Variants in CELF2 observed in about 807,000 individuals in gnomAD.
CELF2 encodes CUG triplet repeat RNA-binding protein 2.
CELF2 carries 8 observed loss-of-function variants against 62.6 expected under a neutral mutation model. The ratio of observed to expected loss-of-function variants is 0.13; its 90% confidence interval spans 0.07 to 0.23. The LOEUF (loss-of-function observed/expected upper bound fraction) is 0.23. CELF2 is among the 10% of genes least tolerant of loss of function. The pLI, the probability that CELF2 is intolerant of heterozygous loss-of-function variation, is 1.00. For missense variants in CELF2, 333 were observed against 671.0 expected, an observed-to-expected ratio of 0.50 and a Z score of 5.56; for synonymous variants, 258 against 250.0, an observed-to-expected ratio of 1.03 and a Z score of -0.30.
rs11595295 is a variant in CELF2 at position 11,247,273 on chromosome 10, A to T, written c.355-1880A>T. On this transcript the variant is annotated intron_variant, in intron 3 of 12. Transcript: ENST00000633077. The surrounding 1 kb of genome is among the most constrained non-coding windows in gnomAD (Gnocchi z 5.4). The stretch of plus-strand genomic sequence containing the variant: ...ACCCTCTGAGAGCTGGGTGTTGCCC[A>T]CCTTCACCGCCCCTTCCCGTGGTCC... Among the ~76,000 whole-genome samples the T allele has an allele frequency of 0.25, 38,158 of 152,170 alleles. 5,509 individuals are homozygous for T. The highest frequency in any genetic ancestry group is 0.33 in the Non-Finnish European group (22,666 of 67,974).
chr10:11,105,222 A>G (rs1440146705), intron 1 of CELF2, among the ~76,000 whole-genome samples: 2 of 152,236 alleles, frequency 1.3e-5, no homozygotes, highest in East Asian at 1.9e-4. Context: ...AATTGAAAGT[A>G]ATGATTCTGG....
At chr10:10,845,436 A>G (rs2058951242) in intron 1 of CELF2, among the ~76,000 whole-genome samples, 1 of 137,596 alleles carries the variant, frequency 7.3e-6, no homozygotes, top group African/African-American at 2.8e-5. Flanking sequence ...AGAAAATGTA[A>G]TAAAACAATA....
intron 1 of CELF2, among the ~76,000 whole-genome samples, chr10:11,131,361 C>T (rs1360111732): frequency 1.3e-5 from 2 of 152,108 alleles, no homozygotes; most frequent in African/African-American, 2.4e-5. Context: ...GGAAAGGTGC[C>T]GTGATGTTTC....
the CELF2 span, among the ~76,000 whole-genome samples, chr10:10,704,921 G>T: frequency 1.3e-5 from 2 of 150,936 alleles, no homozygotes; most frequent in South Asian, 2.1e-4. Flanking sequence ...GGGCATGGTG[G>T]CTCATGCCTG....
chr10:10,799,749 G>C (rs1032103814), intron 1 of CELF2, among the ~76,000 whole-genome samples: 1 of 152,154 alleles, frequency 6.6e-6, no homozygotes, highest in African/African-American at 2.4e-5. Context: ...GAGCTAGAAA[G>C]GGCAGAGTTC....
the CELF2 span, among the ~76,000 whole-genome samples, chr10:10,470,366 T>C: frequency 2.0e-5 from 3 of 151,862 alleles, no homozygotes; most frequent in Non-Finnish European, 4.4e-5. Flanking sequence ...GTTTCCTCTT[T>C]TTGAGTTCTG....
Position 11,032,146 on chromosome 10 carries a change from C to CAAAAAAAAAAAAA in CELF2, c.74+13996_74+14008dup, listed in dbSNP as rs56364371. Among the ~76,000 whole-genome samples, 220 of 86,366 alleles carry CAAAAAAAAAAAAA rather than the reference C, an allele frequency of 2.5e-3. 13 individuals carry two copies. Among genetic ancestry groups the CAAAAAAAAAAAAA allele is most frequent in the African/African-American group, 4.7e-3 (118 of 24,964 alleles). The allele number at this position is 86,366 out of a possible 152,430, so 56.7% of individuals were successfully genotyped here. A position where few individuals can be genotyped will look rare whatever the true frequency, so the allele number is the denominator to read the frequency against. On this transcript the variant is annotated intron_variant, in intron 1 of 12. Transcript: ENST00000633077. ...CTCCCAGCTCCACATAGGGCTTAGC[C>CAAAAAAAAAAAAA]AAAAAAAAAAAAAAAAAAAAAAAAA...
At chr10:11,024,333 G>A (rs765088804) in intron 1 of CELF2, among the ~76,000 whole-genome samples, 10 of 152,174 alleles carry the variant, frequency 6.6e-5, no homozygotes, top group Non-Finnish European at 1.5e-4. Context: ...AGTCGGGTAC[G>A]GTTGCTCACG....
At chr10:11,132,583 T>C (rs755566146) in intron 1 of CELF2, among the ~76,000 whole-genome samples, 1 of 151,780 alleles carries the variant, frequency 6.6e-6, no homozygotes, top group Non-Finnish European at 1.5e-5. Flanking sequence ...CCCAATGAAA[T>C]TGTCTTTGTG....
At chr10:10,473,610 G>A in the CELF2 span, among the ~76,000 whole-genome samples, 1 of 152,060 alleles carries the variant, frequency 6.6e-6, no homozygotes, top group Non-Finnish European at 1.5e-5. Flanking sequence ...CATGCTTAAT[G>A]TGTTCTGGGG....
At chr10:10,497,139 C>T in the CELF2 span, among the ~76,000 whole-genome samples, 5 of 150,702 alleles carry the variant, frequency 3.3e-5, no homozygotes, top group East Asian at 2.0e-4. Flanking sequence ...GAGCCGAGAT[C>T]GCGCCACTGC....
At chr10:11,250,471 C>T (rs1208917502) in intron 4 of CELF2, among the ~76,000 whole-genome samples, 1 of 152,234 alleles carries the variant, frequency 6.6e-6, no homozygotes, top group African/African-American at 2.4e-5. Context: ...ACAAACATGA[C>T]ACTTAGCACC....
chr10:10,861,565 G>T (rs2060047935), intron 1 of CELF2, among the ~76,000 whole-genome samples: 1 of 152,032 alleles, frequency 6.6e-6, no homozygotes. Context: ...GCTGTGAAAG[G>T]GGCTTTAGGT....
rs1554936937 is a variant in CELF2 at position 11,197,083 on chromosome 10, G to GA, written c.272-20340dup. On this transcript the variant is annotated intron_variant, in intron 2 of 12. Coordinates refer to ENST00000633077, the MANE Select transcript of CELF2 (RefSeq NM_001326342.2). ...AAAAGAAAGAAAGGAAAGAAAGAAAGAAGAAAGAAAGAAGGGTTCCCATTG... is the reference window on the plus strand; with the variant it reads ...AAAAGAAAGAAAGGAAAGAAAGAAAGAAAGAAAGAAAGAAGGGTTCCCATTG... Among the ~76,000 whole-genome samples, 21 of 114,806 alleles carry GA rather than the reference G, an allele frequency of 1.8e-4. 1 individual carries two copies. The highest frequency in any genetic ancestry group is 8.4e-4 in the East Asian group (2 of 2,388). 75.3% of individuals were successfully genotyped at this position (114,806 alleles called of 152,430 possible). A position where few individuals can be genotyped will look rare whatever the true frequency, so the allele number is the denominator to read the frequency against.
At chr10:10,594,404 G>A in the CELF2 span, among the ~76,000 whole-genome samples, 33 of 142,024 alleles carry the variant, frequency 2.3e-4, no homozygotes, top group East Asian at 8.1e-4. Context: ...CATTTAGTTC[G>A]AGCTAACCTG....
Position 11,325,873 on chromosome 10 carries a change from A to G in CELF2, c.1332A>G (p.Pro444=). The G allele has an allele frequency of 6.2e-7, 1 of 1,614,064 alleles. No homozygotes were observed. The highest frequency in any genetic ancestry group is 1.1e-5 in the South Asian group (1 of 91,064). Residue 444 remains proline (P), a synonymous_variant, in exon 12 of 13, where the codon CCA becomes CCG. Coordinates refer to ENST00000633077, the MANE Select transcript of CELF2 (RefSeq NM_001326342.2). ...CAAACCTCTTTATTTACCACCTTCC[A>G]CAGGAATTTGGAGACCAGGACATTC... ...EGANLFIYHL[P]QEFGDQDILQ... is the part of the protein sequence containing the mutation.
At chr10:11,192,763 G>A (rs562445509) in intron 2 of CELF2, among the ~76,000 whole-genome samples, 6 of 152,270 alleles carry the variant, frequency 3.9e-5, no homozygotes, top group African/African-American at 9.6e-5. Flanking sequence ...CCTGGCGTGC[G>A]TTAGAATCAC....
intron 3 of CELF2, among the ~76,000 whole-genome samples, chr10:11,232,384 C>T (rs1298036346): frequency 2.6e-5 from 4 of 152,170 alleles, no homozygotes; most frequent in Non-Finnish European, 5.9e-5. Flanking sequence ...TCAGTGACAA[C>T]TTTGTCTCTG....
In CELF2 at chr10:11,244,975, T is replaced by C. The variant is rs572644749; in HGVS notation, c.355-4178T>C. On this transcript the variant is annotated intron_variant, in intron 3 of 12. Coordinates refer to ENST00000633077, the MANE Select transcript of CELF2 (RefSeq NM_001326342.2). The surrounding 1 kb of genome is among the most constrained non-coding windows in gnomAD (Gnocchi z 4.2). ...ACGTCTCTTATCACGCTGTGGGAAA[T>C]GCTTGCTGTATCTGTCTCTCCTACC... Among the ~76,000 whole-genome samples, 3 of 152,310 alleles carry C rather than the reference T, an allele frequency of 2.0e-5. No homozygotes were observed. The highest frequency in any genetic ancestry group is 4.8e-5 in the African/African-American group (2 of 41,570).
Sources: allele counts gnomAD v4.1 joint callset (sites outside exome capture counted in the v4.1 genomes callset), GRCh38; gene constraint gnomAD v4.1.1; non-coding constraint Gnocchi (gnomAD v3.1); transcripts MANE v1.5; gene names NCBI Gene and HGNC (gene_info 2026-07-23, HGNC 2026-07-21).